Variants in TSPAN14 observed in about 807,000 individuals in gnomAD.
The protein encoded by TSPAN14 is tetraspanin 14.
In TSPAN14, 16 loss-of-function variants were observed where a neutral mutation model predicts 36.6. The ratio of observed to expected loss-of-function variants is 0.44; its 90% CI spans 0.30 to 0.66. The LOEUF (loss-of-function observed/expected upper bound fraction) is 0.66. Ranked by LOEUF, TSPAN14 falls within the 30% of genes least tolerant of loss-of-function variation. The pLI is 0.12. For missense variants in TSPAN14, 231 were observed against 355.1 expected (o/e 0.65, Z 2.81); for synonymous variants, 139 against 143.8 (o/e 0.97, Z 0.24).
intron 1 of TSPAN14, among the ~76,000 whole-genome samples, chr10:80,471,902 C>T (rs548567061): frequency 1.3e-5 from 2 of 152,260 alleles, no homozygotes; most frequent in Non-Finnish European, 2.9e-5. Context: ...GGGTGCTGGG[C>T]GTGGTGGCTC....
chr10:80,521,456 G>C (rs1841260694), exon 9 of TSPAN14: 1 of 152,850 alleles, frequency 6.5e-6, no homozygotes, highest in Admixed American at 6.5e-5. Flanking sequence ...AGGGTCTTAC[G>C]GGTGTCGGTC....
chr10:80,501,264 A>G (rs1346228360), intron 2 of TSPAN14, among the ~76,000 whole-genome samples: 1 of 140,810 alleles, frequency 7.1e-6, no homozygotes, highest in Non-Finnish European at 1.6e-5. Flanking sequence ...TTTTTTTTTT[A>G]CAGCTAATTT....
chr10:80,506,785 G>A (rs1194175729), intron 3 of TSPAN14, among the ~76,000 whole-genome samples: 2 of 152,244 alleles, frequency 1.3e-5, no homozygotes, highest in Admixed American at 6.5e-5. Flanking sequence ...GCCCTTGGGC[G>A]TGTTTTCTAC....
At chr10:80,520,915 C>G (rs958666762) in exon 9 of TSPAN14, 6 of 479,606 alleles carry the variant, frequency 1.3e-5, no homozygotes, top group Non-Finnish European at 2.2e-5. Flanking sequence ...CATATGTCTG[C>G]TTAGGACTCT....
intron 2 of TSPAN14, among the ~76,000 whole-genome samples, chr10:80,491,924 G>C (rs1241915260): frequency 1.3e-5 from 2 of 152,192 alleles, no homozygotes; most frequent in African/African-American, 2.4e-5. Flanking sequence ...CTGGGTTCCT[G>C]GTAGTGATGT....
intron 2 of TSPAN14, among the ~76,000 whole-genome samples, chr10:80,494,623 G>T (rs1181842759): frequency 6.6e-6 from 1 of 151,982 alleles, no homozygotes; most frequent in Non-Finnish European, 1.5e-5. Context: ...GCTGTTCCTG[G>T]GCTCTTCTGA....
exon 9 of TSPAN14, chr10:80,520,367 A>G (rs1326061878): frequency 1.3e-5 from 5 of 382,524 alleles, no homozygotes; most frequent in Non-Finnish European, 2.6e-5. Context: ...AAAGAAAGCA[A>G]GGATGAGAGC....
chr10:80,467,214 G>A (rs1846294937), intron 1 of TSPAN14, among the ~76,000 whole-genome samples: 1 of 152,062 alleles, frequency 6.6e-6, no homozygotes, highest in Non-Finnish European at 1.5e-5. Context: ...TATGTAATGA[G>A]GCCTTTCCAA....
intron 1 of TSPAN14, among the ~76,000 whole-genome samples, chr10:80,465,049 G>A (rs1800975364): frequency 1.3e-5 from 2 of 152,086 alleles, no homozygotes; most frequent in East Asian, 1.9e-4. Context: ...ATCCCCCTTC[G>A]CCCTTCTCAA....
At chr10:80,462,358 A>G (rs114379090) in intron 1 of TSPAN14, among the ~76,000 whole-genome samples, 11,561 of 77,354 alleles carry the variant, frequency 0.15, 554 homozygotes, top group African/African-American at 0.17. Flanking sequence ...ATGGGGTGGG[A>G]TGGGATGGGA....
At chr10:80,517,608 C>G (rs1202167464) in intron 8 of TSPAN14, among the ~76,000 whole-genome samples, 2 of 152,246 alleles carry the variant, frequency 1.3e-5, no homozygotes, top group Non-Finnish European at 2.9e-5. Context: ...TGCCCCATGG[C>G]TTGTGACATA....
chr10:80,481,353 T>G (rs1026758815), intron 1 of TSPAN14, among the ~76,000 whole-genome samples: 9 of 152,196 alleles, frequency 5.9e-5, no homozygotes, highest in African/African-American at 2.2e-4. Context: ...AGGGTAGATT[T>G]AGACAACTGA....
chr10:80,518,395 G>C (rs1475582594), exon 9 of TSPAN14: 1 of 213,812 alleles, frequency 4.7e-6, no homozygotes, highest in East Asian at 1.1e-4. Context: ...CGTGGGTAGA[G>C]GGACCCACAG....
chr10:80,474,843 T>C (rs1232493144), intron 1 of TSPAN14, among the ~76,000 whole-genome samples: 1 of 152,130 alleles, frequency 6.6e-6, no homozygotes, highest in Non-Finnish European at 1.5e-5. Flanking sequence ...TTCTCTCCCC[T>C]CTTCCTCCCT....
intron 1 of TSPAN14, among the ~76,000 whole-genome samples, chr10:80,454,849 G>C (rs976851596): frequency 6.6e-6 from 1 of 152,168 alleles, no homozygotes; most frequent in Non-Finnish European, 1.5e-5. Context: ...GGTCCGGGGT[G>C]GGGGTGGGCG....
chr10:80,463,698 G>A (rs1846094337), intron 1 of TSPAN14, among the ~76,000 whole-genome samples: 1 of 152,340 alleles, frequency 6.6e-6, no homozygotes, highest in Admixed American at 6.5e-5. Flanking sequence ...CTGCAGGAGT[G>A]TCTTATGCAT....
intron 7 of TSPAN14, 45 bp from the exon 8 acceptor site, chr10:80,516,159 A>G (rs1404549575): frequency 3.1e-6 from 5 of 1,613,478 alleles, no homozygotes; most frequent in Non-Finnish European, 3.4e-6. Context: ...AGGTGGGGAC[A>G]TCGTGTGTGC....
intron 1 of TSPAN14, among the ~76,000 whole-genome samples, chr10:80,475,288 T>G (rs888674396): frequency 1.3e-5 from 2 of 152,228 alleles, no homozygotes; most frequent in African/African-American, 4.8e-5. Flanking sequence ...AGTTTTGGGC[T>G]GAGCATGATG....
intron 7 of TSPAN14, among the ~76,000 whole-genome samples, chr10:80,515,157 A>G (rs1840869571): frequency 6.6e-6 from 1 of 152,218 alleles, no homozygotes; most frequent in Non-Finnish European, 1.5e-5. Flanking sequence ...TGCCACTTAT[A>G]TTAATTTGCT....
Sources: allele counts gnomAD v4.1 joint callset (sites outside exome capture counted in the v4.1 genomes callset), GRCh38; gene constraint gnomAD v4.1.1; transcripts MANE v1.5; gene names NCBI Gene and HGNC (gene_info 2026-07-23, HGNC 2026-07-21).